The following SCNN1G variants were observed in gnomAD, a reference collection of about 807,000 sequenced individuals.
SCNN1G encodes epithelial sodium channel subunit gamma.
Under a neutral mutation model 64.6 loss-of-function variants are expected in SCNN1G, and 27 were observed. The observed-to-expected ratio is 0.42, with a 90% CI of 0.31 to 0.58. The LOEUF (loss-of-function observed/expected upper bound fraction) is 0.58, where lower values mean the gene tolerates loss of function less well. SCNN1G is among the 20% of genes least tolerant of loss of function. SCNN1G has a pLI of 0.18. For missense variants in SCNN1G, 743 were observed against 823.4 expected, an observed-to-expected ratio of 0.90 and a Z score of 1.19; for synonymous variants, 330 against 314.2, an observed-to-expected ratio of 1.05 and a Z score of -0.53.
At chr16:23,204,302 T>TATATATATATATATATATATATATATAC (rs1959942460) in intron 6 of SCNN1G, among the ~76,000 whole-genome samples, 1 of 43,844 alleles carries the variant, frequency 2.3e-5, no homozygotes, top group Non-Finnish European at 4.3e-5. Context: ...TATATATATA[T>TATATATATATATATATATATATATATAC]ATATATATAT....
At chr16:23,196,851 A>G (rs1041977794) in intron 5 of SCNN1G, among the ~76,000 whole-genome samples, 3 of 152,182 alleles carry the variant, frequency 2.0e-5, no homozygotes, top group African/African-American at 7.2e-5. Flanking sequence ...GAGAAACACC[A>G]TTAGTGATTC....
chr16:23,198,451 C>T (rs1409376624), intron 6 of SCNN1G, among the ~76,000 whole-genome samples: 3 of 152,220 alleles, frequency 2.0e-5, no homozygotes, highest in Non-Finnish European at 2.9e-5. Context: ...CTTATTTAGA[C>T]CGGGCACAGT....
At chr16:23,197,153 T>C in intron 5 of SCNN1G, 111 bp from the exon 6 acceptor site, 1 of 875,400 alleles carries the variant, frequency 1.1e-6, no homozygotes, top group Non-Finnish European at 1.9e-6. Context: ...TGTCACTTGC[T>C]AGAAATACCT....
In SCNN1G at chr16:23,215,249, A is replaced by G; in HGVS notation, c.1730A>G (p.Gln577Arg). The change falls in exon 13 of 13, where the codon CAG becomes CGG. Residue 577 changes from glutamine to arginine, a missense_variant. Transcript: ENST00000300061. Reference sequence around the variant, plus strand: ...GCCAAGGAGTGGTGGGCCTGGAAACAGGCTCCCCCATGTCCAGAAGCTCCC... The same window carrying G: ...GCCAAGGAGTGGTGGGCCTGGAAACGGGCTCCCCCATGTCCAGAAGCTCCC... ...QKAKEWWAWK[Q>R]APPCPEAPRS... 6.2e-7 allele frequency: 1 copy of G among 1,614,142 alleles called. No individual in the cohort carries two copies. The highest frequency in any genetic ancestry group is 2.2e-5 in the East Asian group (1 of 44,882).
intron 1 of SCNN1G, among the ~76,000 whole-genome samples, 178 bp downstream of exon 1, chr16:23,182,991 C>A (rs1018636630): frequency 3.9e-5 from 6 of 152,202 alleles, no homozygotes; most frequent in African/African-American, 1.4e-4. Context: ...GCGGCCAGCT[C>A]TCCCGGGTCT....
intron 5 of SCNN1G, 143 bp downstream of exon 5, chr16:23,194,417 A>C: frequency 1.4e-6 from 1 of 692,906 alleles, no homozygotes; most frequent in Admixed American, 2.1e-5. Flanking sequence ...TTTTTCTATC[A>C]GTGTTTCCAT....
At chr16:23,199,069 CA>C (rs1959844002) in intron 6 of SCNN1G, among the ~76,000 whole-genome samples, 1 of 151,950 alleles carries the variant, frequency 6.6e-6, no homozygotes, top group Non-Finnish European at 1.5e-5. Context: ...CCACACCAAC[CA>C]TACCAAGGAG....
chr16:23,190,652 A>G (rs974696284), intron 3 of SCNN1G, among the ~76,000 whole-genome samples: 3 of 152,146 alleles, frequency 2.0e-5, no homozygotes, highest in East Asian at 3.9e-4. Flanking sequence ...CTTCATGGAC[A>G]ATCTCACCAG....
intron 5 of SCNN1G, among the ~76,000 whole-genome samples, chr16:23,195,704 C>A (rs1959784568): frequency 6.6e-6 from 1 of 152,222 alleles, no homozygotes; most frequent in Non-Finnish European, 1.5e-5. Context: ...CCTCTCTGGG[C>A]TTTGTTTGTA....
At chr16:23,204,314 T>TAG (rs1171535053) in intron 6 of SCNN1G, among the ~76,000 whole-genome samples, 2 of 81,746 alleles carry the variant, frequency 2.4e-5, no homozygotes, top group Non-Finnish European at 4.9e-5. Flanking sequence ...TATATATATA[T>TAG]ATATATATAT....
chr16:23,186,223 T>A lies in SCNN1G; in HGVS notation c.-44-5T>A. ...CTCACCTGCTTCTCTTCTTTGCCCCTCCAGCACGCCCGTCCTCAGAGTCCC... is the reference window on the plus strand; with the variant it reads ...CTCACCTGCTTCTCTTCTTTGCCCCACCAGCACGCCCGTCCTCAGAGTCCC... On this transcript the variant is annotated splice_region_variant and splice_polypyrimidine_tract_variant and intron_variant, in intron 1 of 12. Transcript: ENST00000300061. 1 of 1,594,676 alleles carries A rather than the reference T, an allele frequency of 6.3e-7. No individual in the cohort carries two copies. The highest frequency in any genetic ancestry group is 2.2e-5 in the East Asian group (1 of 44,796).
intron 7 of SCNN1G, among the ~76,000 whole-genome samples, chr16:23,210,758 A>G (rs1003174030): frequency 2.0e-5 from 3 of 152,170 alleles, no homozygotes; most frequent in Non-Finnish European, 4.4e-5. Context: ...TGGGCCAGGC[A>G]TGGTAGCTCA....
In SCNN1G at chr16:23,215,533, T is replaced by C; in HGVS notation, c.*64T>C. 1 of 1,587,942 alleles carries C rather than the reference T, an allele frequency of 6.3e-7. No homozygotes were observed. Among genetic ancestry groups the C allele is most frequent in the East Asian group, 2.2e-5 (1 of 44,824 alleles). The stretch of plus-strand genomic sequence containing the variant: ...CCATGGTCTAAGGACATGGATCGGG[T>C]GCCCCCAGACGTGTGCACAGGGGAC... On this transcript the variant is annotated 3_prime_UTR_variant, in exon 13 of 13. Coordinates refer to ENST00000300061, the MANE Select transcript of SCNN1G (RefSeq NM_001039.4).
At chr16:23,209,682 C>A in intron 6 of SCNN1G, 68 bp from the exon 7 acceptor site, 1 of 1,137,588 alleles carries the variant, frequency 8.8e-7, no homozygotes, top group South Asian at 1.2e-5. Context: ...CTGTCTGGTG[C>A]TCCTTGCAAA....
chr16:23,206,164 T>C (rs941734915), intron 6 of SCNN1G, among the ~76,000 whole-genome samples: 23 of 151,796 alleles, frequency 1.5e-4, no homozygotes, highest in African/African-American at 5.6e-4. Context: ...AAGACAGCAA[T>C]CTTTCTGAGA....
intron 7 of SCNN1G, 29 bp from the exon 8 acceptor site, chr16:23,212,005 G>T: frequency 6.7e-7 from 1 of 1,483,452 alleles, no homozygotes. Context: ...GCAAAGACAT[G>T]AATGGCATTC....
chr16:23,212,529 CA>C, intron 8 of SCNN1G, 148 bp from the exon 9 acceptor site: 2 of 740,244 alleles, frequency 2.7e-6, no homozygotes, highest in Admixed American at 4.0e-5. Flanking sequence ...CCCAACATCA[CA>C]ATGCAATATG....
intron 5 of SCNN1G, among the ~76,000 whole-genome samples, chr16:23,195,443 G>T (rs1959780313): frequency 6.6e-6 from 1 of 152,182 alleles, no homozygotes; most frequent in Non-Finnish European, 1.5e-5. Flanking sequence ...AAGGTCCCAT[G>T]CAAATTGAAA....
chr16:23,191,583 A>G (rs1182483698), intron 3 of SCNN1G, among the ~76,000 whole-genome samples: 3 of 152,026 alleles, frequency 2.0e-5, no homozygotes, highest in Admixed American at 6.6e-5. Context: ...GCATCACCAC[A>G]CCTGGATAAT....
Sources: gnomAD v4.1 joint callset for allele counts (sites outside exome capture counted in the v4.1 genomes callset) on GRCh38, gnomAD v4.1.1 for gene constraint, MANE v1.5 for transcripts, NCBI Gene and HGNC (gene_info 2026-07-23, HGNC 2026-07-21) for gene names.